The following UGT2B28 variants were observed in gnomAD, a reference collection of about 807,000 sequenced individuals.
The protein encoded by UGT2B28 is UDP-glucuronosyltransferase 2B28.
In UGT2B28, 45 loss-of-function variants were observed where a neutral mutation model predicts 43.6. The ratio of observed to expected loss-of-function variants is 1.03; its 90% CI spans 0.81 to 1.32. The LOEUF (loss-of-function observed/expected upper bound fraction) is 1.32, where lower values mean the gene tolerates loss of function less well. Ranked by LOEUF, UGT2B28 falls within the 40% of genes most tolerant of loss-of-function variation. The pLI, the probability that UGT2B28 is intolerant of heterozygous loss-of-function variation, is 0.00. For synonymous variants in UGT2B28, 204 were observed against 208.1 expected, an observed-to-expected ratio of 0.98 and a Z score of 0.17; for missense variants, 649 against 625.5, an observed-to-expected ratio of 1.04 and a Z score of -0.40.
Position 69,286,548 on chromosome 4 carries a change from T to C in UGT2B28, c.871-204T>C. Among the ~76,000 whole-genome samples the C allele has an allele frequency of 1.4e-5, 2 of 140,058 alleles. 1 individual carries two copies. Among genetic ancestry groups the C allele is most frequent in the Non-Finnish European group, 3.0e-5 (2 of 65,678 alleles). 91.9% of individuals were successfully genotyped at this position (140,058 alleles called of 152,430 possible). A position where few individuals can be genotyped will look rare whatever the true frequency, so the allele number is the denominator to read the frequency against. ...ACACATACCTACATAAACACACATATTTACACAAATATCCTTAACAGAGGC... is the reference window on the plus strand; with the variant it reads ...ACACATACCTACATAAACACACATACTTACACAAATATCCTTAACAGAGGC... On this transcript the variant is annotated intron_variant, in intron 2 of 5. Transcript: ENST00000335568.
intron 5 of UGT2B28, among the ~76,000 whole-genome samples, chr4:69,292,595 C>T (rs972559189): frequency 1.4e-5 from 2 of 140,060 alleles, no homozygotes; most frequent in African/African-American, 5.6e-5. Context: ...ATACAATTAA[C>T]AAATGGATTC....
rs1577990446 is a variant in UGT2B28, at chr4:69,280,863, C to T, written c.363C>T (p.Asp121=). 1.3e-6 allele frequency: 2 copies of T among 1,558,848 alleles called. No individual in the cohort carries two copies. The highest frequency in any genetic ancestry group is 1.7e-6 in the Non-Finnish European group (2 of 1,155,408). The change falls in exon 1 of 6, where the codon GAC becomes GAT. Residue 121 remains aspartate (D), a synonymous_variant. Coordinates refer to ENST00000335568, the MANE Select transcript of UGT2B28 (RefSeq NM_053039.2). The part of the protein sequence containing the change: ...QEQEILWEFH[D]IFRNFCKDVV... ...AAGAAATCCTGTGGGAATTTCATGACATATTTAGAAACTTCTGTAAAGATG... is the reference window on the plus strand; with the variant it reads ...AAGAAATCCTGTGGGAATTTCATGATATATTTAGAAACTTCTGTAAAGATG...
In UGT2B28 at chr4:69,282,676, C is replaced by A; in HGVS notation, c.870+14C>A. The A allele has an allele frequency of 6.5e-7, 1 of 1,539,738 alleles. No homozygotes were observed. Among genetic ancestry groups the A allele is most frequent in the Non-Finnish European group, 8.7e-7 (1 of 1,148,810 alleles). On this transcript the variant is annotated intron_variant, in intron 2 of 5. Transcript: ENST00000335568. ...CCCCTACCTAAGGTAAACATACTTT[C>A]GTTGGTTTTATTTTGTTGGCTTCGA...
At chr4:69,289,559 T>C in intron 3 of UGT2B28, 106 bp from the exon 4 acceptor site, 1 of 1,040,964 alleles carries the variant, frequency 9.6e-7, no homozygotes, top group South Asian at 2.1e-5. Context: ...TGAGTAGATT[T>C]ATTTACTAAC....
chr4:69,290,478 A>T, intron 4 of UGT2B28, 114 bp from the exon 5 acceptor site: 1 of 1,341,600 alleles, frequency 7.5e-7, no homozygotes, highest in Non-Finnish European at 1.0e-6. Context: ...TCTGAAAAGT[A>T]ATGGCAAATT....
rs1193256489 is a variant in UGT2B28, at chr4:69,294,983, G to T, written c.*174G>T. The T allele has an allele frequency of 1.8e-5, 15 of 831,696 alleles. 2 individuals are homozygous for T. In the East Asian group the frequency reaches 2.7e-4, roughly 15 times the overall value. 51.5% of individuals were successfully genotyped at this position (831,696 alleles called of 1,614,324 possible). A position where few individuals can be genotyped will look rare whatever the true frequency, so the allele number is the denominator to read the frequency against. On this transcript the variant is annotated 3_prime_UTR_variant, in exon 6 of 6. Transcript: ENST00000335568. ...TGTTTTTCAGAGATTTACCACCCAGGTAATGGTTAGAAATATTCTGTGGCA... is the reference window on the plus strand; with the variant it reads ...TGTTTTTCAGAGATTTACCACCCAGTTAATGGTTAGAAATATTCTGTGGCA...
Position 69,284,337 on chromosome 4 carries a change from A to G in UGT2B28, c.870+1675A>G, listed in dbSNP as rs181066952. 4.0e-4 allele frequency among the ~76,000 whole-genome samples: 56 copies of G among 141,158 alleles called. 10 individuals carry two copies. Among genetic ancestry groups the G allele is most frequent in the African/African-American group, 1.3e-3 (46 of 36,338 alleles). 92.6% of individuals were successfully genotyped at this position (141,158 alleles called of 152,430 possible). A position where few individuals can be genotyped will look rare whatever the true frequency, so the allele number is the denominator to read the frequency against. On this transcript the variant is annotated intron_variant, in intron 2 of 5. Transcript: ENST00000335568. Reference sequence around the variant, plus strand: ...AAAATCTCATATATTTTAAATTAATATCACATTTTAAGACATATGTACAAA... The same window carrying G: ...AAAATCTCATATATTTTAAATTAATGTCACATTTTAAGACATATGTACAAA...
Position 69,291,183 on chromosome 4 carries a change from T to C in UGT2B28, c.1310+372T>C, listed in dbSNP as rs1723945773. On this transcript the variant is annotated intron_variant, in intron 5 of 5. Coordinates refer to ENST00000335568, the MANE Select transcript of UGT2B28 (RefSeq NM_053039.2). ...AATGACTCAGAATATAACTATTTTC[T>C]TGCTGAAAAATTAATTTTTATCATC... Among the ~76,000 whole-genome samples the C allele has an allele frequency of 2.1e-5, 3 of 140,822 alleles. 1 individual carries two copies. The highest frequency in any genetic ancestry group is 8.3e-5 in the African/African-American group (3 of 36,202). The allele number at this position is 140,822 out of a possible 152,430, so 92.4% of individuals were successfully genotyped here. A position where few individuals can be genotyped will look rare whatever the true frequency, so the allele number is the denominator to read the frequency against.
Position 69,283,471 on chromosome 4 carries a change from A to G in UGT2B28, c.870+809A>G, listed in dbSNP as rs1439746091. Among the ~76,000 whole-genome samples, 2 of 140,396 alleles carry G rather than the reference A, an allele frequency of 1.4e-5. 1 individual carries two copies. The highest frequency in any genetic ancestry group is 5.6e-5 in the African/African-American group (2 of 36,032). 92.1% of individuals were successfully genotyped at this position (140,396 alleles called of 152,430 possible). A position where few individuals can be genotyped will look rare whatever the true frequency, so the allele number is the denominator to read the frequency against. On this transcript the variant is annotated intron_variant, in intron 2 of 5. Transcript: ENST00000335568. Reference sequence around the variant, plus strand: ...CAATGGATTAAATTACAGAAGGGCCACACTGTAAAGAGCCAACCATTTAGG... The same window carrying G: ...CAATGGATTAAATTACAGAAGGGCCGCACTGTAAAGAGCCAACCATTTAGG...
chr4:69,280,586 G>C lies in UGT2B28; in HGVS notation c.86G>C (p.Trp29Ser), dbSNP rs368355841. The change falls in exon 1 of 6, where the codon TGG (tryptophan) becomes TCG (serine). Residue 29 changes from tryptophan (W) to serine (S), a missense_variant. Trp to Ser is a radical substitution (Grantham distance 177). Coordinates refer to ENST00000335568, the MANE Select transcript of UGT2B28 (RefSeq NM_053039.2). ...SSGSCGKVLV[W>S]TGEYSHWMNM... The stretch of plus-strand genomic sequence containing the variant: ...GGGAGTTGTGGAAAGGTGCTGGTGT[G>C]GACCGGTGAATACAGCCATTGGATG... 6 of 1,560,374 alleles carry C rather than the reference G, an allele frequency of 3.8e-6. 1 individual carries two copies. In the African/African-American group the frequency reaches 7.6e-5, roughly 20 times the overall value.
In UGT2B28 at chr4:69,294,749, G is replaced by A. The variant is rs373164479; in HGVS notation, c.1530G>A (p.Lys510=). The A allele has an allele frequency of 4.4e-5, 68 of 1,559,076 alleles. 7 individuals carry two copies. Among genetic ancestry groups the A allele is most frequent in the Middle Eastern group, 3.4e-4 (2 of 5,832 alleles). ...CAACTGTGATATTTGTCGTCACAAA[G>A]TTTTGTCTGTTTTGTTTCTGGAAGT... ...CVATVIFVVT[K]FCLFCFWKFA... Residue 510 remains lysine (K), a synonymous_variant, in exon 6 of 6, where the codon AAG becomes AAA. Coordinates refer to ENST00000335568, the MANE Select transcript of UGT2B28 (RefSeq NM_053039.2).
rs1723624704 is a variant in UGT2B28, at chr4:69,281,943, A to G, written c.722-571A>G. ...TTTCAATAATTTCTCAAAAATTTCT[A>G]GCTATAATTTACAAATATATTTACT... is the stretch of plus-strand genomic sequence containing the variant. On this transcript the variant is annotated intron_variant, in intron 1 of 5. Transcript: ENST00000335568. 2.1e-5 allele frequency among the ~76,000 whole-genome samples: 3 copies of G among 140,596 alleles called. 1 individual carries two copies. The highest frequency in any genetic ancestry group is 5.5e-5 in the African/African-American group (2 of 36,110). The allele number at this position is 140,596 out of a possible 152,430, so 92.2% of individuals were successfully genotyped here.
In UGT2B28 at chr4:69,293,471, T is replaced by C. The variant is rs1724009670; in HGVS notation, c.1311-1059T>C. Among the ~76,000 whole-genome samples, 2 of 140,334 alleles carry C rather than the reference T, an allele frequency of 1.4e-5. 1 individual carries two copies. Among genetic ancestry groups the C allele is most frequent in the Admixed American group, 1.4e-4 (2 of 13,900 alleles). The allele number at this position is 140,334 out of a possible 152,430, so 92.1% of individuals were successfully genotyped here. ...GATATATAAATCATTTACAAAATTC[T>C]AGGAATCAGATAGAAAATAAGCACA... On this transcript the variant is annotated intron_variant, in intron 5 of 5. Transcript: ENST00000335568.
chr4:69,289,849 G>A, intron 4 of UGT2B28, 97 bp downstream of exon 4: 1 of 1,265,932 alleles, frequency 7.9e-7, no homozygotes, highest in Non-Finnish European at 1.1e-6. Context: ...ATTTATTATA[G>A]GAAAACAAAA....
At chr4:69,287,973 G>C (rs1723826957) in intron 3 of UGT2B28, among the ~76,000 whole-genome samples, 1 of 140,028 alleles carries the variant, frequency 7.1e-6, no homozygotes, top group African/African-American at 2.8e-5. Context: ...TTCAAAATTA[G>C]TAACAAAATA....
At position 69,290,670 on chromosome 4, in the gene UGT2B28, T is replaced by A. The variant is rs760809766; in HGVS notation, c.1169T>A (p.Met390Lys). 9 of 1,559,394 alleles carry A rather than the reference T, an allele frequency of 5.8e-6. 2 individuals carry two copies. The highest frequency in any genetic ancestry group is 6.9e-6 in the Non-Finnish European group (8 of 1,155,150). The change falls in exon 5 of 6, where the codon ATG (methionine) becomes AAG (lysine). Residue 390 changes from methionine (M) to lysine (K), a missense_variant. By Grantham distance (95) the Met-to-Lys change is moderately conservative. Coordinates refer to ENST00000335568, the MANE Select transcript of UGT2B28 (RefSeq NM_053039.2). ...IYEAIYHGIP[M>K]VGIPLFWDQP... The stretch of plus-strand genomic sequence containing the variant: ...GAGGCAATCTACCATGGGATCCCTA[T>A]GGTAGGCATTCCATTGTTTTGGGAT...
chr4:69,291,066 A>C (rs533332481), intron 5 of UGT2B28, among the ~76,000 whole-genome samples: 1 of 140,990 alleles, frequency 7.1e-6, no homozygotes, highest in Admixed American at 7.1e-5. Flanking sequence ...TAATATAAAA[A>C]ATACATTTCT....
At chr4:69,293,088 G>A (rs1334395324) in intron 5 of UGT2B28, among the ~76,000 whole-genome samples, 1 of 140,252 alleles carries the variant, frequency 7.1e-6, no homozygotes, top group African/African-American at 2.8e-5. Flanking sequence ...CATAATCTGT[G>A]GTTTATCAAT....
chr4:69,291,367 A>T (rs1332951977), intron 5 of UGT2B28, among the ~76,000 whole-genome samples: 1 of 140,448 alleles, frequency 7.1e-6, no homozygotes, highest in Admixed American at 7.1e-5. Flanking sequence ...AAGAAACTGC[A>T]ATGACACCAA....
Sources: allele counts gnomAD v4.1 joint callset (sites outside exome capture counted in the v4.1 genomes callset), GRCh38; gene constraint gnomAD v4.1.1; transcripts MANE v1.5; gene names NCBI Gene and HGNC (gene_info 2026-07-23, HGNC 2026-07-21).